TENT2: variants seen among roughly 807,000 people sequenced by gnomAD.
TENT2 encodes the protein poly(A) RNA polymerase GLD2.
Under a neutral mutation model 72.2 loss-of-function variants are expected in TENT2, and 44 were observed. The observed-to-expected ratio is 0.61, with a 90% CI of 0.48 to 0.78. The LOEUF is 0.78. TENT2 is among the 30% of genes least tolerant of loss of function. The probability of loss-of-function intolerance (pLI) is 0.00; values close to 1 mark genes in which losing one functional copy is unlikely to be tolerated. For missense variants in TENT2, 541 were observed against 569.6 expected, an observed-to-expected ratio of 0.95 and a Z score of 0.51; for synonymous variants, 212 against 192.5, an observed-to-expected ratio of 1.10 and a Z score of -0.84.
At chr5:79,655,722 G>A (rs2150289650) in intron 10 of TENT2, among the ~76,000 whole-genome samples, 1 of 150,668 alleles carries the variant, frequency 6.6e-6, no homozygotes, top group East Asian at 1.9e-4. Context: ...CTTTCTAAGA[G>A]TGATTCTGGT....
chr5:79,683,361 A>G (rs967341839), intron 14 of TENT2, among the ~76,000 whole-genome samples: 1 of 149,634 alleles, frequency 6.7e-6, no homozygotes, highest in Non-Finnish European at 1.5e-5. Context: ...ACCTCACCCC[A>G]CCCCTGGGTG....
At chr5:79,650,710 A>G (rs1392835785) in intron 10 of TENT2, among the ~76,000 whole-genome samples, 2 of 152,058 alleles carry the variant, frequency 1.3e-5, no homozygotes, top group African/African-American at 4.8e-5. Flanking sequence ...ACCTTTCCTT[A>G]TGCTATAGAT....
intron 8 of TENT2, among the ~76,000 whole-genome samples, chr5:79,645,978 C>T (rs2150072233): frequency 6.6e-6 from 1 of 152,270 alleles, no homozygotes; most frequent in African/African-American, 2.4e-5. Flanking sequence ...CGTGGACATA[C>T]ACAGAGTAAT....
At chr5:79,652,568 G>C (rs1198531115) in intron 10 of TENT2, among the ~76,000 whole-genome samples, 1 of 151,836 alleles carries the variant, frequency 6.6e-6, no homozygotes, top group East Asian at 2.0e-4. Flanking sequence ...CTTATCGAGA[G>C]AGACAAAATA....
intron 4 of TENT2, among the ~76,000 whole-genome samples, chr5:79,636,605 T>C (rs562173507): frequency 6.6e-6 from 1 of 152,342 alleles, no homozygotes; most frequent in Admixed American, 6.5e-5. Flanking sequence ...TCTGGGCTTT[T>C]GATTTCTTTT....
At chr5:79,645,044 AT>A in intron 7 of TENT2, 78 bp from the exon 8 acceptor site, 2 of 1,138,252 alleles carry the variant, frequency 1.8e-6, no homozygotes, top group South Asian at 3.4e-5. Flanking sequence ...AGTAAATACT[AT>A]TTTTTAAAAA....
At position 79,619,886 on chromosome 5, in the gene TENT2, G is replaced by A. The variant is rs532259001; in HGVS notation, c.137+101G>A. ...AACTTTTGAACATGGAGAATATGTCGTCACATTTTTTTTTGATACGGATGT... is the reference window on the plus strand; with the variant it reads ...AACTTTTGAACATGGAGAATATGTCATCACATTTTTTTTTGATACGGATGT... On this transcript the variant is annotated intron_variant, in intron 2 of 14. Transcript: ENST00000453514. 65 of 1,481,460 alleles carry A rather than the reference G, an allele frequency of 4.4e-5. No homozygotes were observed. The African/African-American group carries it at 7.5e-4, about 17-fold the overall frequency. 91.8% of individuals were successfully genotyped at this position (1,481,460 alleles called of 1,614,324 possible).
At chr5:79,675,606 T>C (rs1045934638) in intron 12 of TENT2, among the ~76,000 whole-genome samples, 2 of 152,214 alleles carry the variant, frequency 1.3e-5, no homozygotes, top group African/African-American at 2.4e-5. Context: ...CATGTTCAGC[T>C]GCGTGGGAAA....
chr5:79,636,326 A>G lies in TENT2; in HGVS notation c.466-4525A>G, dbSNP rs577361504. On this transcript the variant is annotated intron_variant, in intron 4 of 14. Transcript: ENST00000453514. ...ATATGACCATAACAATTAACAACAT[A>G]TGACTAATCTTATTTCACCTTTACC... is the stretch of plus-strand genomic sequence containing the variant. 2.0e-5 allele frequency among the ~76,000 whole-genome samples: 3 copies of G among 152,326 alleles called. No homozygotes were observed. In the East Asian group the frequency reaches 5.8e-4, roughly 29 times the overall value.
At chr5:79,685,087 T>C in intron 14 of TENT2, 112 bp from the exon 15 acceptor site, 1 of 855,622 alleles carries the variant, frequency 1.2e-6, no homozygotes, top group East Asian at 2.8e-5. Context: ...AGGAAAAAAT[T>C]ATTCAAAATT....
chr5:79,644,941 A>G (rs1262925694), intron 7 of TENT2, 182 bp from the exon 8 acceptor site: 1 of 498,600 alleles, frequency 2.0e-6, no homozygotes, highest in Non-Finnish European at 3.6e-6. Flanking sequence ...AGCCCCCTAA[A>G]TGGTATTACT....
chr5:79,622,005 A>G (rs970898294), intron 3 of TENT2, among the ~76,000 whole-genome samples: 10 of 152,000 alleles, frequency 6.6e-5, no homozygotes, highest in African/African-American at 2.4e-4. Context: ...AGGAGTGTTA[A>G]AAAACCTTCT....
rs141643102 is a variant in TENT2, at chr5:79,652,805, A to G, written c.1027+3615A>G. On this transcript the variant is annotated intron_variant, in intron 10 of 14. Transcript: ENST00000453514. Reference sequence around the variant, plus strand: ...TCATTAATCATTTTTGTCCAATTTTACAAAATATATGTCAATCTTGAACAT... The same window carrying G: ...TCATTAATCATTTTTGTCCAATTTTGCAAAATATATGTCAATCTTGAACAT... Among the ~76,000 whole-genome samples, 1,240 of 152,206 alleles carry G rather than the reference A, an allele frequency of 8.1e-3. 5 individuals carry two copies. Among genetic ancestry groups the G allele is most frequent in the Non-Finnish European group, 0.013 (892 of 67,994 alleles).
At chr5:79,671,526 T>G (rs991709372) in intron 12 of TENT2, among the ~76,000 whole-genome samples, 127 of 151,970 alleles carry the variant, frequency 8.4e-4, no homozygotes, top group Non-Finnish European at 1.0e-3. Flanking sequence ...TGCCTCAGCC[T>G]CCTGAGTAGC....
intron 12 of TENT2, among the ~76,000 whole-genome samples, chr5:79,673,378 C>T (rs911081736): frequency 6.6e-6 from 1 of 152,136 alleles, no homozygotes; most frequent in Non-Finnish European, 1.5e-5. Context: ...ATACCAATGT[C>T]CTGGAGAGTT....
At chr5:79,633,047 A>G (rs1776812012) in intron 4 of TENT2, among the ~76,000 whole-genome samples, 1 of 152,202 alleles carries the variant, frequency 6.6e-6, no homozygotes, top group Non-Finnish European at 1.5e-5. Context: ...TAGTAATTTA[A>G]CACACAAGAA....
chr5:79,621,757 C>CA (rs397998298), intron 3 of TENT2, among the ~76,000 whole-genome samples: 9,937 of 82,690 alleles, frequency 0.12, 392 homozygotes, highest in Non-Finnish European at 0.14. Context: ...GACTCTATCT[C>CA]AAAAAAAAAA....
chr5:79,652,114 C>G (rs887833621), intron 10 of TENT2, among the ~76,000 whole-genome samples: 1 of 151,952 alleles, frequency 6.6e-6, no homozygotes, highest in Non-Finnish European at 1.5e-5. Context: ...TATTTCATTT[C>G]TAGAAATTTA....
At chr5:79,622,594 T>C (rs1362566463) in intron 3 of TENT2, among the ~76,000 whole-genome samples, 1 of 152,210 alleles carries the variant, frequency 6.6e-6, no homozygotes, top group Non-Finnish European at 1.5e-5. Context: ...CCTGCTTTTT[T>C]TCCTGAACCA....
Sources: gnomAD v4.1 joint callset for allele counts (sites outside exome capture counted in the v4.1 genomes callset) on GRCh38, gnomAD v4.1.1 for gene constraint, MANE v1.5 for transcripts, NCBI Gene and HGNC (gene_info 2026-07-23, HGNC 2026-07-21) for gene names.